Variants in NEGR1 observed in about 807,000 individuals in gnomAD.
NEGR1 encodes the protein IgLON family member 4.
Under a neutral mutation model 40.9 loss-of-function variants are expected in NEGR1, and 10 were observed. The observed-to-expected ratio is 0.24, with a 90% CI of 0.15 to 0.42. The LOEUF (loss-of-function observed/expected upper bound fraction) is 0.42. NEGR1 is among the 10% of genes least tolerant of loss of function. NEGR1 has a pLI of 1.00. For missense variants in NEGR1, 352 were observed against 438.9 expected (o/e 0.80, Z 1.77); for synonymous variants, 185 against 166.8 (o/e 1.11, Z -0.84).
intron 2 of NEGR1, among the ~76,000 whole-genome samples, chr1:71,902,739 AATTTTT>A (rs1231764933): frequency 6.6e-6 from 1 of 152,272 alleles, no homozygotes; most frequent in East Asian, 1.9e-4. Context: ...TCATTTTTGA[AATTTTT>A]ATTTTTAACA....
chr1:71,802,458 T>G (rs1050055695), intron 2 of NEGR1, among the ~76,000 whole-genome samples: 1 of 152,084 alleles, frequency 6.6e-6, no homozygotes, highest in African/African-American at 2.4e-5. Context: ...AATTCAGACA[T>G]CATCAGAGCT....
intron 6 of NEGR1, among the ~76,000 whole-genome samples, chr1:71,528,005 T>G (rs533354797): frequency 6.6e-6 from 1 of 151,342 alleles, no homozygotes; most frequent in African/African-American, 2.4e-5. Flanking sequence ...GTAGCTTTTG[T>G]CAGGAAACTA....
chr1:72,275,361 A>C (rs1656012715), intron 1 of NEGR1, among the ~76,000 whole-genome samples: 1 of 152,082 alleles, frequency 6.6e-6, no homozygotes, highest in Admixed American at 6.6e-5. Flanking sequence ...GTCATACGGT[A>C]ATTTTTGTTT....
chr1:72,024,909 T>C (rs1646793570), intron 1 of NEGR1, among the ~76,000 whole-genome samples: 1 of 152,178 alleles, frequency 6.6e-6, no homozygotes, highest in Non-Finnish European at 1.5e-5. Context: ...GAATGGTAAA[T>C]TCAGATTTCT....
chr1:72,251,298 C>T (rs1570177033), intron 1 of NEGR1, among the ~76,000 whole-genome samples: 1 of 152,194 alleles, frequency 6.6e-6, no homozygotes, highest in Middle Eastern at 3.4e-3. Context: ...CTACTTTAAA[C>T]AAAATATGCT....
At chr1:71,962,073 T>C (rs1238611446) in intron 1 of NEGR1, among the ~76,000 whole-genome samples, 1 of 151,966 alleles carries the variant, frequency 6.6e-6, no homozygotes, top group African/African-American at 2.4e-5. Flanking sequence ...AAGTATAAAG[T>C]AATGCTTTCA....
intron 3 of NEGR1, among the ~76,000 whole-genome samples, chr1:71,746,044 T>C (rs1655370513): frequency 1.3e-5 from 2 of 152,286 alleles, no homozygotes; most frequent in South Asian, 2.1e-4. Flanking sequence ...CCTTTCTACA[T>C]GCCTGTCCAT....
chr1:71,503,848 C>T (rs968098251), intron 6 of NEGR1, among the ~76,000 whole-genome samples: 1 of 151,534 alleles, frequency 6.6e-6, no homozygotes, highest in African/African-American at 2.4e-5. Flanking sequence ...ATTAGGAAAG[C>T]GGCCATAACC....
At chr1:71,620,624 AT>A (rs1364935298) in intron 4 of NEGR1, among the ~76,000 whole-genome samples, 1 of 151,946 alleles carries the variant, frequency 6.6e-6, no homozygotes, top group African/African-American at 2.4e-5. Flanking sequence ...TAATGAATTA[AT>A]TTCACCTTAA....
chr1:71,546,752 A>G (rs2101463961), intron 6 of NEGR1, among the ~76,000 whole-genome samples: 1 of 151,814 alleles, frequency 6.6e-6, no homozygotes, highest in East Asian at 2.0e-4. Context: ...TGTGTACTTA[A>G]TACTTAAGCA....
Position 72,282,311 on chromosome 1 carries a change from C to T in NEGR1, c.176+8G>A, listed in dbSNP as rs777915524. On this transcript the variant is annotated splice_region_variant and intron_variant, in intron 1 of 6. Transcript: ENST00000357731. ...AAACAAGTACGAAAAGCACGCCGTTCTTCCTACCTAAGCACCGCCGTGTCC... is the reference window on the plus strand; with the variant it reads ...AAACAAGTACGAAAAGCACGCCGTTTTTCCTACCTAAGCACCGCCGTGTCC... The T allele has an allele frequency of 3.1e-6, 5 of 1,613,590 alleles. No homozygotes were observed.
chr1:71,693,869 C>A (rs1157857552), intron 4 of NEGR1, among the ~76,000 whole-genome samples: 1 of 151,566 alleles, frequency 6.6e-6, no homozygotes, highest in Non-Finnish European at 1.5e-5. Flanking sequence ...CCACTCCTTG[C>A]TGATTTCTTA....
chr1:71,918,004 T>G (rs1245243649), intron 2 of NEGR1, among the ~76,000 whole-genome samples: 1 of 149,156 alleles, frequency 6.7e-6, no homozygotes, highest in Non-Finnish European at 1.5e-5. Context: ...GATCACAAGG[T>G]CAGGAGATCG....
At chr1:72,219,041 C>T (rs533163572) in intron 1 of NEGR1, among the ~76,000 whole-genome samples, 9 of 152,098 alleles carry the variant, frequency 5.9e-5, no homozygotes, top group Admixed American at 1.3e-4. Flanking sequence ...TCATACAAAG[C>T]GCCCAGATAC....
At chr1:72,069,572 ATC>A (rs1184838993) in intron 1 of NEGR1, among the ~76,000 whole-genome samples, 1 of 152,120 alleles carries the variant, frequency 6.6e-6, no homozygotes, top group Non-Finnish European at 1.5e-5. Context: ...GATATCCACT[ATC>A]TCTCTCTTAC....
At chr1:71,413,510 G>A (rs1646337088) in intron 6 of NEGR1, among the ~76,000 whole-genome samples, 1 of 152,114 alleles carries the variant, frequency 6.6e-6, no homozygotes, top group African/African-American at 2.4e-5. Flanking sequence ...TTGACTTTGG[G>A]AGGATTTTTA....
At chr1:71,646,209 C>T (rs1651523693) in intron 4 of NEGR1, among the ~76,000 whole-genome samples, 1 of 151,400 alleles carries the variant, frequency 6.6e-6, no homozygotes, top group Non-Finnish European at 1.5e-5. Context: ...TATACACATA[C>T]ATATACATAA....
chr1:71,830,606 CAGTT>C (rs1315452614), intron 2 of NEGR1, among the ~76,000 whole-genome samples: 3 of 151,708 alleles, frequency 2.0e-5, no homozygotes, highest in Non-Finnish European at 4.4e-5. Flanking sequence ...GTAAGTAAAG[CAGTT>C]AGTTCAATGT....
At chr1:71,453,181 T>C (rs1265859336) in intron 6 of NEGR1, among the ~76,000 whole-genome samples, 3 of 152,168 alleles carry the variant, frequency 2.0e-5, no homozygotes, top group African/African-American at 4.8e-5. Context: ...GCAGATGATG[T>C]AGGTTTGAAT....
Sources: gnomAD v4.1 joint callset for allele counts (sites outside exome capture counted in the v4.1 genomes callset) on GRCh38, gnomAD v4.1.1 for gene constraint, MANE v1.5 for transcripts, NCBI Gene and HGNC (gene_info 2026-07-23, HGNC 2026-07-21) for gene names.